Variants in BBS9 observed in about 807,000 individuals in gnomAD.
BBS9 encodes Bardet-Biedl syndrome 9, also known as protein PTHB1.
A neutral mutation model predicts 117.7 loss-of-function variants in BBS9; 89 were observed. The observed-to-expected ratio is 0.76, with a 90% CI of 0.64 to 0.90. The LOEUF (loss-of-function observed/expected upper bound fraction) is 0.90. Ranked by LOEUF, BBS9 falls within the 40% of genes least tolerant of loss-of-function variation. The pLI is 0.00. For synonymous variants in BBS9, 379 were observed against 370.9 expected (o/e 1.02, Z -0.25); for missense variants, 982 against 1,042.2 (o/e 0.94, Z 0.80).
chr7:33,617,694 A>C (rs1865209603), intron 21 of BBS9, among the ~76,000 whole-genome samples: 1 of 152,204 alleles, frequency 6.6e-6, no homozygotes, highest in African/African-American at 2.4e-5. Flanking sequence ...TCAACAAAGG[A>C]ATAAAAACCA....
intron 19 of BBS9, among the ~76,000 whole-genome samples, chr7:33,486,339 A>C (rs35822718): frequency 0.16 from 24,657 of 152,138 alleles, 2,718 homozygotes; most frequent in East Asian, 0.48. Flanking sequence ...CTCCTCGGAG[A>C]GGAAGTACTG....
chr7:33,435,949 A>G (rs1187438383), intron 19 of BBS9, among the ~76,000 whole-genome samples: 1 of 152,172 alleles, frequency 6.6e-6, no homozygotes, highest in Non-Finnish European at 1.5e-5. Context: ...GGCTAGAGGT[A>G]TCACCAAGTG....
At chr7:33,458,933 A>T (rs1839039755) in intron 19 of BBS9, among the ~76,000 whole-genome samples, 1 of 152,066 alleles carries the variant, frequency 6.6e-6, no homozygotes, top group Non-Finnish European at 1.5e-5. Flanking sequence ...TCTTTAATTA[A>T]ATTACTTCTC....
chr7:33,209,593 C>T (rs1173369208), intron 5 of BBS9, among the ~76,000 whole-genome samples: 1 of 152,120 alleles, frequency 6.6e-6, no homozygotes, highest in South Asian at 2.1e-4. Flanking sequence ...TCCACTTTCT[C>T]AGCAGCATTT....
intron 9 of BBS9, among the ~76,000 whole-genome samples, chr7:33,286,811 T>C (rs1802993875): frequency 2.0e-5 from 3 of 152,136 alleles, no homozygotes; most frequent in Admixed American, 6.6e-5. Context: ...TTTTTAGAAC[T>C]AGCTTTGGAG....
Position 33,395,429 on chromosome 7 carries a change from A to G in BBS9, c.2115+7285A>G, listed in dbSNP as rs1422134743. Among the ~76,000 whole-genome samples the G allele has an allele frequency of 2.6e-5, 4 of 152,278 alleles. No individual in the cohort carries two copies. The East Asian group carries it at 7.7e-4, about 29-fold the overall frequency. ...AAATGGAAGAAATTAGACTTACCCTATGACTTGGCTTATGTTTTGATGCTA... is the reference window on the plus strand; with the variant it reads ...AAATGGAAGAAATTAGACTTACCCTGTGACTTGGCTTATGTTTTGATGCTA... On this transcript the variant is annotated intron_variant, in intron 19 of 22. Coordinates refer to ENST00000242067, the MANE Select transcript of BBS9 (RefSeq NM_198428.3).
At chr7:33,180,526 T>C (rs1797947151) in intron 5 of BBS9, among the ~76,000 whole-genome samples, 1 of 152,054 alleles carries the variant, frequency 6.6e-6, no homozygotes, top group African/African-American at 2.4e-5. Flanking sequence ...CCAGCTAATT[T>C]TTGTATTTTC....
intron 18 of BBS9, among the ~76,000 whole-genome samples, chr7:33,384,469 A>G (rs1362895743): frequency 1.3e-5 from 2 of 152,140 alleles, no homozygotes; most frequent in Admixed American, 6.5e-5. Flanking sequence ...TTGAAGATTG[A>G]TTTGATGATT....
chr7:33,237,431 G>C (rs1793719075), intron 5 of BBS9, among the ~76,000 whole-genome samples: 1 of 152,152 alleles, frequency 6.6e-6, no homozygotes, highest in African/African-American at 2.4e-5. Flanking sequence ...TTTTGCAGTG[G>C]CTCACTCTGC....
rs541505104 is a variant in BBS9, at chr7:33,200,402, A to C, written c.442+22811A>C. Among the ~76,000 whole-genome samples, 25 of 152,312 alleles carry C rather than the reference A, an allele frequency of 1.6e-4. No homozygotes were observed. In the South Asian group the frequency reaches 4.8e-3, roughly 29 times the overall value. On this transcript the variant is annotated intron_variant, in intron 5 of 22. Transcript: ENST00000242067. The stretch of plus-strand genomic sequence containing the variant: ...GTTTACATGCTGGTCTGTAACTATA[A>C]CTTAAATCTTCCATGACTTCTCATG...
chr7:33,609,706 T>C (rs1307239995), downstream of BBS9, among the ~76,000 whole-genome samples: 1 of 152,136 alleles, frequency 6.6e-6, no homozygotes, highest in Non-Finnish European at 1.5e-5. Context: ...AACACATTTA[T>C]GCTTCTGGTG....
At chr7:33,614,692 A>T (rs1274896546) in intron 21 of BBS9, among the ~76,000 whole-genome samples, 1 of 152,102 alleles carries the variant, frequency 6.6e-6, no homozygotes, top group Non-Finnish European at 1.5e-5. Flanking sequence ...CAGAGTGGAC[A>T]GGTCTGAGAG....
At chr7:33,169,483 A>G (rs1272569701) in intron 4 of BBS9, among the ~76,000 whole-genome samples, 2 of 150,890 alleles carry the variant, frequency 1.3e-5, no homozygotes, top group African/African-American at 4.9e-5. Flanking sequence ...TCGTTTCCTG[A>G]CTTTTTAATG....
At chr7:33,528,117 CTT>C (rs1310210632) in intron 20 of BBS9, among the ~76,000 whole-genome samples, 1 of 152,084 alleles carries the variant, frequency 6.6e-6, no homozygotes, top group Non-Finnish European at 1.5e-5. Context: ...ATACCAAACA[CTT>C]TTCATTTTGC....
chr7:33,431,762 C>G (rs998967397), intron 19 of BBS9, among the ~76,000 whole-genome samples: 2 of 152,126 alleles, frequency 1.3e-5, no homozygotes, highest in Non-Finnish European at 2.9e-5. Context: ...GCTATAGCAG[C>G]CCAAATGGAC....
At chr7:33,263,162 G>A (rs12671191) in intron 6 of BBS9, among the ~76,000 whole-genome samples, 5 of 152,052 alleles carry the variant, frequency 3.3e-5, no homozygotes, top group African/African-American at 7.2e-5. Context: ...CTATGTCTTG[G>A]AAAATTTAAA....
intron 21 of BBS9, among the ~76,000 whole-genome samples, chr7:33,617,116 T>A (rs1334890978): frequency 6.6e-6 from 1 of 152,104 alleles, no homozygotes; most frequent in Admixed American, 6.6e-5. Context: ...TATCCCATCA[T>A]CCATTGATGG....
At chr7:33,299,897 A>C (rs1454112669) in intron 9 of BBS9, among the ~76,000 whole-genome samples, 1 of 152,074 alleles carries the variant, frequency 6.6e-6, no homozygotes, top group Non-Finnish European at 1.5e-5. Context: ...CTTATTCCCT[A>C]TTCTGTTTTT....
intron 9 of BBS9, among the ~76,000 whole-genome samples, chr7:33,295,914 T>A (rs985955875): frequency 4.6e-5 from 7 of 151,958 alleles, no homozygotes; most frequent in Non-Finnish European, 1.0e-4. Flanking sequence ...AAAAGAGAAA[T>A]TTTTCACATA....
Sources: allele counts gnomAD v4.1 joint callset (sites outside exome capture counted in the v4.1 genomes callset), GRCh38; gene constraint gnomAD v4.1.1; transcripts MANE v1.5; gene names NCBI Gene and HGNC (gene_info 2026-07-23, HGNC 2026-07-21).